The following PHF12 variants were observed in gnomAD, a reference collection of about 807,000 sequenced individuals.
PHF12 encodes the protein PHD factor 1.
A neutral mutation model predicts 99.8 loss-of-function variants in PHF12; 6 were observed. That is an observed-to-expected ratio of 0.06 (90% confidence interval 0.03 to 0.12). PHF12 has a LOEUF of 0.12. PHF12 is among the 10% of genes least tolerant of loss of function. The pLI is 1.00. For synonymous variants in PHF12, 480 were observed against 514.9 expected (o/e 0.93, Z 0.92); for missense variants, 954 against 1,300.1 (o/e 0.73, Z 4.09).
intron 2 of PHF12, chr17:28,927,718 T>C (rs1656456339): frequency 6.6e-6 from 1 of 152,436 alleles, no homozygotes; most frequent in Admixed American, 6.5e-5. Flanking sequence ...TTAAGAGATC[T>C]GCAGATTCTA....
intron 7 of PHF12, 125 bp downstream of exon 7, chr17:28,917,160 C>G: frequency 1.5e-6 from 2 of 1,305,616 alleles, no homozygotes; most frequent in Non-Finnish European, 2.1e-6. Flanking sequence ...TCATTACTCA[C>G]GAGACACCAC....
In PHF12 at chr17:28,907,014, A is replaced by G. The variant is rs771049628; in HGVS notation, c.2542-20T>C. ...GGTATTCTGAGGAGGAGGAGGGGAG[A>G]TAAGATGTGTGGTCTGCTGTGTGGG... is the stretch of plus-strand genomic sequence containing the variant. On this transcript the variant is annotated intron_variant, in intron 13 of 14. Transcript: ENST00000332830. 2 of 1,593,968 alleles carry G rather than the reference A, an allele frequency of 1.3e-6. No individual in the cohort carries two copies. Among genetic ancestry groups the G allele is most frequent in the Non-Finnish European group, 1.7e-6 (2 of 1,169,720 alleles).
chr17:28,940,836 C>T (rs1357525042), intron 2 of PHF12, among the ~76,000 whole-genome samples: 1 of 152,148 alleles, frequency 6.6e-6, no homozygotes, highest in Admixed American at 6.5e-5. Context: ...TGGTCTAGGA[C>T]TTGCACTGAA....
At chr17:28,913,427 A>C (rs572216847) in intron 8 of PHF12, 150 bp from the exon 9 acceptor site, 5 of 1,417,900 alleles carry the variant, frequency 3.5e-6, no homozygotes, top group Non-Finnish European at 4.6e-6. Flanking sequence ...TCCTGATAGA[A>C]TTCCATTTCC....
In PHF12 at chr17:28,950,827, T is replaced by A. The variant is rs982872052; in HGVS notation, c.66+68A>T. 1 of 1,598,972 alleles carries A rather than the reference T, an allele frequency of 6.3e-7. No individual in the cohort carries two copies. The highest frequency in any genetic ancestry group is 8.5e-7 in the Non-Finnish European group (1 of 1,170,948). ...TAGGCGCTTCGAGTTTAGGACTGGC[T>A]TTGTGGGGCGGAGGGCGGAGGTTCC... On this transcript the variant is annotated intron_variant, in intron 1 of 14. Transcript: ENST00000332830. The surrounding 1 kb of genome is among the most constrained non-coding windows in gnomAD (Gnocchi z 5.7).
intron 3 of PHF12, chr17:28,926,659 A>G (rs772226028): frequency 6.2e-5 from 43 of 699,164 alleles, no homozygotes; most frequent in Non-Finnish European, 9.0e-5. Flanking sequence ...TCCATTTTCC[A>G]TCAAGCTGGA....
Position 28,906,669 on chromosome 17 carries a change from T to TC in PHF12, c.2681-153dup. 5.0e-6 allele frequency: 6 copies of TC among 1,194,384 alleles called. No individual in the cohort carries two copies. In the South Asian group the frequency reaches 7.8e-5, roughly 15 times the overall value. The allele number at this position is 1,194,384 out of a possible 1,614,324, so 74.0% of individuals were successfully genotyped here. ...CAGAAAGGGTTGGTGGAGTCTGAAG[T>TC]CCCCACAGGTGTGTACACACATGGG... On this transcript the variant is annotated intron_variant, in intron 14 of 14. Coordinates refer to ENST00000332830, the MANE Select transcript of PHF12 (RefSeq NM_001033561.2). This position sits in a 1 kb window ranked among gnomAD's most constrained non-coding sequence, Gnocchi z 4.2.
intron 2 of PHF12, chr17:28,944,579 G>A (rs193204782): frequency 1.2e-5 from 11 of 908,576 alleles, no homozygotes; most frequent in Admixed American, 6.2e-5. Flanking sequence ...CCTGGAAGGC[G>A]GAGATTGCAG....
At chr17:28,915,796 G>A (rs764970785) in intron 7 of PHF12, among the ~76,000 whole-genome samples, 13 of 152,134 alleles carry the variant, frequency 8.5e-5, no homozygotes, top group African/African-American at 2.4e-4. Flanking sequence ...ATGGTGCTAC[G>A]GTCCTCATTT....
intron 11 of PHF12, chr17:28,909,940 AC>A: frequency 1.6e-6 from 1 of 616,104 alleles, no homozygotes; most frequent in Admixed American, 2.8e-5. Context: ...CAGAAAGTAC[AC>A]TACATATACC....
At chr17:28,911,728 A>G (rs925126709) in intron 9 of PHF12, among the ~76,000 whole-genome samples, 2 of 152,146 alleles carry the variant, frequency 1.3e-5, no homozygotes, top group African/African-American at 2.4e-5. Flanking sequence ...CGAGACTCCC[A>G]GCTGACTAGG....
At chr17:28,910,937 A>C in intron 10 of PHF12, 175 bp downstream of exon 10, 1 of 803,286 alleles carries the variant, frequency 1.2e-6, no homozygotes, top group Non-Finnish European at 1.9e-6. Context: ...CTACAGAAGG[A>C]GCTTTCTTTT....
intron 8 of PHF12, 80 bp downstream of exon 8, chr17:28,913,799 C>A: frequency 6.5e-7 from 1 of 1,531,872 alleles, no homozygotes; most frequent in South Asian, 1.2e-5. Context: ...ATGAGAATGA[C>A]ACTGAGGCTA....
At chr17:28,915,199 G>C (rs551445218) in intron 7 of PHF12, among the ~76,000 whole-genome samples, 1 of 152,140 alleles carries the variant, frequency 6.6e-6, no homozygotes, top group Non-Finnish European at 1.5e-5. Context: ...ATAAGGGAGG[G>C]GGAGAAGCAT....
chr17:28,917,258 T>G (rs776562749), intron 7 of PHF12, 27 bp downstream of exon 7: 1 of 1,612,478 alleles, frequency 6.2e-7, no homozygotes, highest in Non-Finnish European at 8.5e-7. Context: ...CAGACTACCA[T>G]CTTGCCTGCA....
chr17:28,907,092 T>C, intron 13 of PHF12, 98 bp from the exon 14 acceptor site: 4 of 1,370,600 alleles, frequency 2.9e-6, no homozygotes, highest in Non-Finnish European at 4.0e-6. Flanking sequence ...CTACTCTACC[T>C]AGAGAGTCCT....
chr17:28,920,915 C>G (rs945399056), intron 5 of PHF12, among the ~76,000 whole-genome samples: 13 of 151,826 alleles, frequency 8.6e-5, no homozygotes, highest in Admixed American at 7.2e-4. Context: ...GCTCTGTCGC[C>G]CAGGCTGGAG....
At chr17:28,915,297 C>T (rs1283682907) in intron 7 of PHF12, among the ~76,000 whole-genome samples, 1 of 151,812 alleles carries the variant, frequency 6.6e-6, no homozygotes, top group Non-Finnish European at 1.5e-5. Context: ...TTATGGTAGA[C>T]AAGGGAGAAC....
chr17:28,910,935 G>T, intron 10 of PHF12, 177 bp downstream of exon 10: 1 of 802,386 alleles, frequency 1.2e-6, no homozygotes. Context: ...AGCTACAGAA[G>T]GAGCTTTCTT....
Sources: gnomAD v4.1 joint callset for allele counts (sites outside exome capture counted in the v4.1 genomes callset) on GRCh38, gnomAD v4.1.1 for gene constraint, Gnocchi (gnomAD v3.1) non-coding constraint, MANE v1.5 for transcripts, NCBI Gene and HGNC (gene_info 2026-07-23, HGNC 2026-07-21) for gene names.